Variants in SYT16 observed in about 807,000 individuals in gnomAD.
SYT16 encodes synaptotagmin-16.
SYT16 carries 42 observed loss-of-function variants against 61.4 expected under a neutral mutation model. The observed-to-expected ratio is 0.68, with a 90% CI of 0.53 to 0.89. The LOEUF is 0.89. Ranked by LOEUF, SYT16 falls within the 40% of genes least tolerant of loss-of-function variation. The pLI is 0.00. For missense variants in SYT16, 804 were observed against 807.3 expected, an observed-to-expected ratio of 1.00 and a Z score of 0.05; for synonymous variants, 314 against 302.3, an observed-to-expected ratio of 1.04 and a Z score of -0.40.
chr14:61,888,769 TAAAAA>T (rs35694977), intron 1 of SYT16, among the ~76,000 whole-genome samples: 1 of 104,300 alleles, frequency 9.6e-6, no homozygotes, highest in Non-Finnish European at 2.1e-5. Context: ...CTTCAATTTG[TAAAAA>T]AAAAAAAAAA....
At chr14:61,971,224 G>A (rs930567020) in intron 2 of SYT16, among the ~76,000 whole-genome samples, 4 of 152,174 alleles carry the variant, frequency 2.6e-5, no homozygotes, top group African/African-American at 7.2e-5. Flanking sequence ...ATTATCTACT[G>A]CTTATAACAA....
Position 62,092,557 on chromosome 14 carries a change from A to G in SYT16, c.1625-7837A>G, listed in dbSNP as rs553682464. On this transcript the variant is annotated intron_variant, in intron 7 of 7. Transcript: ENST00000683842. ...AATACTATTCAACCTTAAAAAGGAA[A>G]AAAATTCTGACATATGCTGCAGTAT... Among the ~76,000 whole-genome samples, 3 of 152,102 alleles carry G rather than the reference A, an allele frequency of 2.0e-5. No homozygotes were observed. The South Asian group carries it at 6.2e-4, about 32-fold the overall frequency.
At chr14:61,832,025 C>T (rs2045953446) in intron 1 of SYT16, 2 of 683,792 alleles carry the variant, frequency 2.9e-6, no homozygotes, top group African/African-American at 1.8e-5. Flanking sequence ...TGATAATGAA[C>T]GCCGTGAAGC....
At chr14:61,865,906 A>G (rs1347910844) in intron 1 of SYT16, among the ~76,000 whole-genome samples, 1 of 152,222 alleles carries the variant, frequency 6.6e-6, no homozygotes, top group African/African-American at 2.4e-5. Context: ...ATTAAGGTGC[A>G]GTAAACTTAG....
At chr14:62,079,303 T>A (rs2140969113) in intron 5 of SYT16, 1 of 1,094,318 alleles carries the variant, frequency 9.1e-7, no homozygotes, top group African/African-American at 1.6e-5. Flanking sequence ...TATAAGAAGC[T>A]TCACTTATTT....
At chr14:61,921,588 C>T (rs1195546569) in intron 1 of SYT16, among the ~76,000 whole-genome samples, 1 of 152,200 alleles carries the variant, frequency 6.6e-6, no homozygotes, top group Non-Finnish European at 1.5e-5. Flanking sequence ...TCCATATTGA[C>T]TGGTGTCACC....
At chr14:61,972,959 C>G (rs1388945618) in intron 2 of SYT16, among the ~76,000 whole-genome samples, 3 of 152,122 alleles carry the variant, frequency 2.0e-5, no homozygotes, top group African/African-American at 7.2e-5. Flanking sequence ...CTCTAGCTTT[C>G]AGTCTATGAA....
At chr14:61,833,124 A>G (rs2045994077) in intron 1 of SYT16, among the ~76,000 whole-genome samples, 1 of 152,054 alleles carries the variant, frequency 6.6e-6, no homozygotes, top group South Asian at 2.1e-4. Context: ...GGAGATTTTC[A>G]TGTTGTGTTT....
chr14:61,936,750 C>T (rs2049999022), intron 1 of SYT16, among the ~76,000 whole-genome samples: 1 of 152,166 alleles, frequency 6.6e-6, no homozygotes. Flanking sequence ...ATTGCCTTAG[C>T]TCTTTGACGC....
At chr14:62,037,886 C>T (rs1479838744) in intron 3 of SYT16, among the ~76,000 whole-genome samples, 2 of 152,102 alleles carry the variant, frequency 1.3e-5, no homozygotes, top group African/African-American at 4.8e-5. Flanking sequence ...GAAGAGGGAG[C>T]TGGTGGTATT....
chr14:62,015,615 G>A (rs891110781), intron 3 of SYT16, among the ~76,000 whole-genome samples: 2 of 152,158 alleles, frequency 1.3e-5, no homozygotes, highest in Admixed American at 1.3e-4. Flanking sequence ...GGACCTTTGG[G>A]AGATGATCAG....
chr14:61,887,174 G>C (rs962584439), intron 1 of SYT16, among the ~76,000 whole-genome samples: 7 of 152,142 alleles, frequency 4.6e-5, no homozygotes, highest in Non-Finnish European at 1.0e-4. Context: ...AGAGCTCTTG[G>C]GTGACAAGGT....
rs1248320961 is a variant in SYT16 at position 62,112,153 on chromosome 14, A to G, written c.*11446A>G. On this transcript the variant is annotated 3_prime_UTR_variant, in exon 8 of 8. Coordinates refer to ENST00000683842, the MANE Select transcript of SYT16 (RefSeq NM_001367656.1). ...TGTTTAAACAAGACCAATCAGTGAA[A>G]TATTGAATGTCAATACTTTTTGTTA... 1 of 152,168 alleles carries G rather than the reference A, an allele frequency of 6.6e-6. No homozygotes were observed. The highest frequency in any genetic ancestry group is 1.9e-4 in the East Asian group (1 of 5,206). The allele number at this position is 152,168 out of a possible 1,614,324, so 9.4% of individuals were successfully genotyped here. A position where few individuals can be genotyped will look rare whatever the true frequency, so the allele number is the denominator to read the frequency against.
At chr14:62,032,259 A>G (rs1320344677) in intron 3 of SYT16, among the ~76,000 whole-genome samples, 4 of 152,144 alleles carry the variant, frequency 2.6e-5, no homozygotes, top group South Asian at 2.1e-4. Flanking sequence ...TTAAAATTCC[A>G]TAGAAATGTA....
At chr14:61,849,829 G>A (rs763557232) in intron 1 of SYT16, among the ~76,000 whole-genome samples, 6 of 152,176 alleles carry the variant, frequency 3.9e-5, no homozygotes, top group Non-Finnish European at 7.3e-5. Context: ...TTTTTGTGTG[G>A]ATAGTTGTTC....
intron 1 of SYT16, among the ~76,000 whole-genome samples, chr14:61,953,691 C>A (rs1252043820): frequency 6.6e-6 from 1 of 152,114 alleles, no homozygotes. Context: ...GCTGCTGATA[C>A]CTAATGCTAT....
intron 3 of SYT16, among the ~76,000 whole-genome samples, chr14:62,057,716 G>A (rs543051288): frequency 2.0e-5 from 3 of 152,204 alleles, no homozygotes; most frequent in South Asian, 2.1e-4. Flanking sequence ...TCTGGGTCTC[G>A]CAAAGGAAAG....
At chr14:61,921,490 C>T (rs1026443664) in intron 1 of SYT16, among the ~76,000 whole-genome samples, 32 of 152,162 alleles carry the variant, frequency 2.1e-4, no homozygotes, top group African/African-American at 6.8e-4. Context: ...ACATTCATAA[C>T]CTTAGCTCTG....
chr14:61,814,681 C>T (rs79410669), intron 1 of SYT16, among the ~76,000 whole-genome samples: 1 of 152,274 alleles, frequency 6.6e-6, no homozygotes, highest in East Asian at 1.9e-4. Flanking sequence ...TAGGCTCAAT[C>T]TTATGTTCTT....
Sources: gnomAD v4.1 joint callset for allele counts (sites outside exome capture counted in the v4.1 genomes callset) on GRCh38, gnomAD v4.1.1 for gene constraint, MANE v1.5 for transcripts, NCBI Gene and HGNC (gene_info 2026-07-23, HGNC 2026-07-21) for gene names.